The following TSPAN4 variants were observed in gnomAD, a reference collection of about 807,000 sequenced individuals.
TSPAN4 encodes tetraspanin-4.
In TSPAN4, 38 loss-of-function variants were observed where a neutral mutation model predicts 31.5. That is an observed-to-expected ratio of 1.21 (90% CI 0.93 to 1.58). TSPAN4 has a LOEUF of 1.58. Ranked by LOEUF, TSPAN4 falls within the 40% of genes most tolerant of loss-of-function variation. The pLI is 0.00. For missense variants in TSPAN4, 330 were observed against 317.3 expected (o/e 1.04, Z -0.30); for synonymous variants, 186 against 144.6 (o/e 1.29, Z -2.06).
chr11:856,504 C>T (rs1374923801), intron 3 of TSPAN4, among the ~76,000 whole-genome samples: 2 of 152,246 alleles, frequency 1.3e-5, no homozygotes, highest in African/African-American at 4.8e-5. Context: ...GTTCCTCTCC[C>T]CAGCTGTCAT....
intron 3 of TSPAN4, among the ~76,000 whole-genome samples, chr11:854,044 G>A (rs1274336423): frequency 6.6e-6 from 1 of 152,186 alleles, no homozygotes; most frequent in Non-Finnish European, 1.5e-5. Flanking sequence ...CAGCTCAGCT[G>A]CTGCCAGCGA....
chr11:855,715 G>A (rs781451972), intron 3 of TSPAN4, among the ~76,000 whole-genome samples: 5 of 152,196 alleles, frequency 3.3e-5, no homozygotes, highest in Admixed American at 6.5e-5. Flanking sequence ...AAATCACAGC[G>A]AGCCACACAG....
At chr11:850,430 CG>C (rs1847611872) in intron 3 of TSPAN4, 63 bp downstream of exon 3, 1 of 1,475,196 alleles carries the variant, frequency 6.8e-7, no homozygotes, top group African/African-American at 1.4e-5. Flanking sequence ...CGGCGGGTCG[CG>C]GGGTCTGGGG....
At chr11:863,975 G>C (rs761005969) in intron 4 of TSPAN4, 38 of 187,408 alleles carry the variant, frequency 2.0e-4, no homozygotes, top group Admixed American at 1.2e-3. Flanking sequence ...ACTGTGACGT[G>C]TGGGCAGAAG....
intron 3 of TSPAN4, among the ~76,000 whole-genome samples, chr11:852,855 C>T (rs12806927): frequency 0.039 from 5,994 of 152,024 alleles, 148 homozygotes; most frequent in Non-Finnish European, 0.06. Context: ...GTGGGAGGGA[C>T]GTCCCCCCGG....
In TSPAN4 at chr11:862,601, G is replaced by C; in HGVS notation, c.115G>C (p.Gly39Arg). The C allele has an allele frequency of 1.2e-6, 2 of 1,612,858 alleles. No homozygotes were observed. The highest frequency in any genetic ancestry group is 1.7e-6 in the Non-Finnish European group (2 of 1,179,748). The stretch of plus-strand genomic sequence containing the variant: ...CGGCATCTGGCTGGCCGCCACACAG[G>C]GGAGCTTCGCCACGCTGTCCTCTTC... Reference protein sequence around the residue: ...GVGIWLAATQGSFATLSSSFP... With the variant: ...GVGIWLAATQRSFATLSSSFP... Residue 39 changes from glycine to arginine, a missense_variant, in exon 4 of 9, where the codon GGG becomes CGG. Physicochemically the swap from Gly to Arg is moderately radical, Grantham distance 125. Transcript: ENST00000397397.
At chr11:857,462 G>A (rs981628160) in intron 3 of TSPAN4, 2 of 144,382 alleles carry the variant, frequency 1.4e-5, no homozygotes, top group Non-Finnish European at 3.0e-5. Flanking sequence ...GAGTGCAGTG[G>A]CATGATGTCT....
At chr11:846,243 T>C (rs1847316580) in intron 1 of TSPAN4, among the ~76,000 whole-genome samples, 1 of 152,218 alleles carries the variant, frequency 6.6e-6, no homozygotes, top group South Asian at 2.1e-4. Context: ...TCCACGGGCA[T>C]GGCACCCAGG....
chr11:843,173 GCT>G (rs1167358293), intron 1 of TSPAN4: 1 of 152,242 alleles, frequency 6.6e-6, no homozygotes, highest in Non-Finnish European at 1.5e-5. Flanking sequence ...GGTGTCCGGG[GCT>G]CTCGGCGCTG....
chr11:847,839 G>A (rs1315629199), intron 2 of TSPAN4, among the ~76,000 whole-genome samples: 4 of 152,068 alleles, frequency 2.6e-5, no homozygotes, highest in Non-Finnish European at 5.9e-5. Context: ...TGGGACCCTC[G>A]AGCCTTGCCT....
intron 4 of TSPAN4, 89 bp downstream of exon 4, chr11:862,830 C>T (rs189615400): frequency 1.5e-6 from 2 of 1,364,594 alleles, no homozygotes; most frequent in Admixed American, 2.8e-5. Context: ...CGCAGTGACC[C>T]CCCAGACGTG....
At chr11:849,411 G>A (rs949123817) in intron 2 of TSPAN4, among the ~76,000 whole-genome samples, 1 of 152,210 alleles carries the variant, frequency 6.6e-6, no homozygotes, top group Non-Finnish European at 1.5e-5. Context: ...GACAGCAACG[G>A]GGTCACCCTC....
intron 3 of TSPAN4, among the ~76,000 whole-genome samples, chr11:861,530 G>A (rs1277606934): frequency 1.3e-5 from 2 of 152,118 alleles, no homozygotes; most frequent in Non-Finnish European, 2.9e-5. Flanking sequence ...GGCTAACACG[G>A]TGAAACCCTG....
intron 3 of TSPAN4, among the ~76,000 whole-genome samples, chr11:850,866 C>G (rs1022513855): frequency 1.3e-5 from 2 of 152,176 alleles, no homozygotes; most frequent in Non-Finnish European, 1.5e-5. Flanking sequence ...GGGTTTGAGC[C>G]GGCTGCCGCC....
At chr11:864,819 C>T (rs1333748452) in intron 5 of TSPAN4, 11 of 508,288 alleles carry the variant, frequency 2.2e-5, no homozygotes, top group East Asian at 6.7e-5. Flanking sequence ...ATCCGGGCCG[C>T]GCACCGTGGG....
intron 3 of TSPAN4, among the ~76,000 whole-genome samples, chr11:861,749 C>G (rs1271430310): frequency 6.6e-6 from 1 of 151,380 alleles, no homozygotes; most frequent in Non-Finnish European, 1.5e-5. Context: ...GCTAAACCAT[C>G]TCTACTAAAA....
intron 3 of TSPAN4, among the ~76,000 whole-genome samples, chr11:853,224 C>A (rs986393287): frequency 6.6e-6 from 1 of 152,164 alleles, no homozygotes; most frequent in African/African-American, 2.4e-5. Context: ...GCTTTGCTCT[C>A]CTGTGCCCTT....
chr11:861,014 A>G (rs567573243), intron 3 of TSPAN4, among the ~76,000 whole-genome samples: 4 of 152,232 alleles, frequency 2.6e-5, no homozygotes, highest in South Asian at 4.1e-4. Context: ...GGCCTGGAAC[A>G]TATCTCCCGT....
chr11:849,519 G>A (rs1847505409), intron 2 of TSPAN4, among the ~76,000 whole-genome samples: 1 of 152,156 alleles, frequency 6.6e-6, no homozygotes, highest in African/African-American at 2.4e-5. Flanking sequence ...GGGAAGGGCT[G>A]GGGGTGTCGG....
Sources: allele counts gnomAD v4.1 joint callset (sites outside exome capture counted in the v4.1 genomes callset), GRCh38; gene constraint gnomAD v4.1.1; transcripts MANE v1.5; gene names NCBI Gene and HGNC (gene_info 2026-07-23, HGNC 2026-07-21).